STOML1: variants seen among roughly 807,000 people sequenced by gnomAD.
The protein encoded by STOML1 is stomatin like 1.
A neutral mutation model predicts 35.7 loss-of-function variants in STOML1; 27 were observed. The ratio of observed to expected loss-of-function variants is 0.76; its 90% CI spans 0.56 to 1.04. The LOEUF (loss-of-function observed/expected upper bound fraction) is 1.04, where lower values mean the gene tolerates loss of function less well. STOML1 is among the 50% of genes least tolerant of loss of function. STOML1 has a pLI of 0.00. For missense variants in STOML1, 451 were observed against 527.1 expected, an observed-to-expected ratio of 0.86 and a Z score of 1.41; for synonymous variants, 219 against 227.9, an observed-to-expected ratio of 0.96 and a Z score of 0.35.
At position 73,988,851 on chromosome 15, in the gene STOML1, A is replaced by G; in HGVS notation, c.391-49T>C. ...GAGACACTCAAGGGGCTGGGGGTGC[A>G]GGGAGGTCAGGCCCACTGGGGCCAC... On this transcript the variant is annotated intron_variant, in intron 3 of 6. Transcript: ENST00000541638. This position sits in a 1 kb window ranked among gnomAD's most constrained non-coding sequence, Gnocchi z 4.8. 6.3e-7 allele frequency: 1 copy of G among 1,583,590 alleles called. No homozygotes were observed.
In STOML1 at chr15:73,985,434, G is replaced by A. The variant is rs776465396; in HGVS notation, c.674C>T (p.Pro225Leu). ...VELAVEAVLQPPQDSPAGPNL... is the reference protein window; with the variant it reads ...VELAVEAVLQLPQDSPAGPNL... ...GGGCCCAGCTGGGCTGTCCTGGGGC[G>A]GCTGGAGCACGGCCTCCACTGCCAG... Residue 225 changes from proline (P) to leucine (L), a missense_variant, in exon 5 of 7, where the codon CCG (proline) becomes CTG (leucine). By Grantham distance (98) the Pro-to-Leu change is moderately conservative. Transcript: ENST00000541638. 20 of 1,554,874 alleles carry A rather than the reference G, an allele frequency of 1.3e-5. No homozygotes were observed. The highest frequency in any genetic ancestry group is 4.9e-5 in the East Asian group (2 of 40,746).
intron 1 of STOML1, 163 bp downstream of exon 1, chr15:73,991,928 C>T (rs1480288053): frequency 1.1e-5 from 13 of 1,149,776 alleles, no homozygotes; most frequent in Non-Finnish European, 1.6e-5. Context: ...GGCGCTAGCA[C>T]CAGGCGCCGG....
rs2068948746 is a variant in STOML1, at chr15:73,980,491, A to T, written c.*3446T>A. 1 of 152,248 alleles carries T rather than the reference A, an allele frequency of 6.6e-6. No individual in the cohort carries two copies. The highest frequency in any genetic ancestry group is 2.4e-5 in the African/African-American group (1 of 41,460). The allele number at this position is 152,248 out of a possible 1,614,324, so 9.4% of individuals were successfully genotyped here. A position where few individuals can be genotyped will look rare whatever the true frequency, so the allele number is the denominator to read the frequency against. ...AGGCTGTCTGTGGTAACATGGAAAG[A>T]TCCTCAGTGGGTAATGTTAAGTGAA... On this transcript the variant is annotated 3_prime_UTR_variant, in exon 7 of 7. Coordinates refer to ENST00000541638, the MANE Select transcript of STOML1 (RefSeq NM_004809.5).
intron 1 of STOML1, chr15:73,991,605 G>A: frequency 2.2e-6 from 1 of 457,702 alleles, no homozygotes; most frequent in Non-Finnish European, 4.4e-6. Flanking sequence ...AAGCAGGGCA[G>A]ATCCAACAGG....
Position 73,988,785 on chromosome 15 carries a change from C to G in STOML1, c.408G>C (p.Gly136=). ...CATCGGCTCCCACGGACAGCACAGC[C>G]CCGTCCTTAGAGGCCAGCTGTTGGG... ...VPPCKLASKD[G]AVLSVGADVQ... is the part of the protein sequence containing the mutation. Residue 136 remains glycine (G), a synonymous_variant, in exon 4 of 7, where the codon GGG becomes GGC. Coordinates refer to ENST00000541638, the MANE Select transcript of STOML1 (RefSeq NM_004809.5). The surrounding 1 kb of genome is among the most constrained non-coding windows in gnomAD (Gnocchi z 4.8). 6.2e-7 allele frequency: 1 copy of G among 1,612,676 alleles called. No homozygotes were observed. The highest frequency in any genetic ancestry group is 8.5e-7 in the Non-Finnish European group (1 of 1,178,756).
At chr15:73,989,354 T>A in intron 2 of STOML1, 97 bp from the exon 3 acceptor site, 1 of 1,344,510 alleles carries the variant, frequency 7.4e-7, no homozygotes, top group Non-Finnish European at 9.8e-7. Flanking sequence ...CCTCCTCACC[T>A]GGGTCACAGT....
In STOML1 at chr15:73,983,886, C is replaced by T. The variant is rs1255897983; in HGVS notation, c.*51G>A. ...ACACCTCCTCCTCCAAGAGGCCCCT[C>T]AGGCTTGGTGCCAGGCTTGGGACTG... On this transcript the variant is annotated 3_prime_UTR_variant, in exon 7 of 7. Coordinates refer to ENST00000541638, the MANE Select transcript of STOML1 (RefSeq NM_004809.5). 3.2e-6 allele frequency: 5 copies of T among 1,559,542 alleles called. No individual in the cohort carries two copies. Among genetic ancestry groups the T allele is most frequent in the Non-Finnish European group, 4.3e-6 (5 of 1,150,864 alleles).
chr15:73,989,101 C>T lies in STOML1; in HGVS notation c.390+7G>A. The T allele has an allele frequency of 1.9e-6, 3 of 1,583,066 alleles. No individual in the cohort carries two copies. Among genetic ancestry groups the T allele is most frequent in the East Asian group, 2.2e-5 (1 of 44,456 alleles). On this transcript the variant is annotated splice_region_variant and intron_variant, in intron 3 of 6. Coordinates refer to ENST00000541638, the MANE Select transcript of STOML1 (RefSeq NM_004809.5). ...TCCTCTGTCAAGGCAGCTGAGAAGC[C>T]CCTCACCTTGCAGGGAGGGACGTTG...
In STOML1 at chr15:73,992,198, G is replaced by A. The variant is rs755607515; in HGVS notation, c.26C>T (p.Ala9Val). The A allele has an allele frequency of 1.9e-6, 3 of 1,606,550 alleles. No homozygotes were observed. The highest frequency in any genetic ancestry group is 1.7e-6 in the Non-Finnish European group (2 of 1,177,422). The change falls in exon 1 of 7, where the codon GCG becomes GTG. Residue 9 changes from alanine (A) to valine (V), a missense_variant. Physicochemically the swap from Ala to Val is moderately conservative, Grantham distance 64 (BLOSUM62 0). Coordinates refer to ENST00000541638, the MANE Select transcript of STOML1 (RefSeq NM_004809.5). ...GCGGTCAAAATCACCCAGGGGCAGC[G>A]CCCGGTACCCAGACCTGCCGAGCAT... MLGRSGYRALPLGDFDRFQ... is the reference protein window; with the variant it reads MLGRSGYRVLPLGDFDRFQ...
chr15:73,989,483 A>T (rs1217525167), intron 2 of STOML1, among the ~76,000 whole-genome samples: 3 of 152,098 alleles, frequency 2.0e-5, no homozygotes, highest in Non-Finnish European at 4.4e-5. Context: ...GTTCTGAATA[A>T]CTCCAAAGGC....
intron 4 of STOML1, chr15:73,985,860 G>A: frequency 3.7e-6 from 1 of 266,838 alleles, no homozygotes. Flanking sequence ...CCATTTAGCT[G>A]GACCCTCACA....
At chr15:73,987,399 A>G (rs1279911096) in intron 4 of STOML1, 1 of 152,218 alleles carries the variant, frequency 6.6e-6, no homozygotes. Context: ...CAGTCTGGGA[A>G]ATGGGACTTA....
chr15:73,986,070 G>C (rs1297245097), intron 4 of STOML1: 1 of 155,312 alleles, frequency 6.4e-6, no homozygotes, highest in Non-Finnish European at 1.4e-5. Flanking sequence ...GGAGACCAAG[G>C]AAGACATTGT....
upstream of STOML1, among the ~76,000 whole-genome samples, chr15:73,993,420 G>A (rs1337123044): frequency 1.3e-5 from 2 of 152,152 alleles, no homozygotes; most frequent in African/African-American, 2.4e-5. Flanking sequence ...TCTGGCCTCC[G>A]AAGCCCCATC....
intron 4 of STOML1, chr15:73,986,512 C>T (rs1444176459): frequency 6.6e-6 from 1 of 152,534 alleles, no homozygotes; most frequent in Non-Finnish European, 1.5e-5. Flanking sequence ...TGGATGAGCT[C>T]TCCCAGGGAG....
chr15:73,987,473 T>C (rs766434458), intron 4 of STOML1: 3 of 152,198 alleles, frequency 2.0e-5, no homozygotes. Context: ...ATCAAAACAA[T>C]GTGCAACAAG....
rs111472256 is a variant in STOML1, at chr15:73,980,397, G to A, written c.*3540C>T. 11 of 152,260 alleles carry A rather than the reference G, an allele frequency of 7.2e-5. No homozygotes were observed. The South Asian group carries it at 1.0e-3, about 14-fold the overall frequency. The allele number at this position is 152,260 out of a possible 1,614,324, so 9.4% of individuals were successfully genotyped here. A position where few individuals can be genotyped will look rare whatever the true frequency, so the allele number is the denominator to read the frequency against. ...ATAATCAAAATGTCTATCGGTCCAC[G>A]ACAGGTTGAATAATTTATGATACAT... On this transcript the variant is annotated 3_prime_UTR_variant, in exon 7 of 7. Transcript: ENST00000541638.
At position 73,988,548 on chromosome 15, in the gene STOML1, G is replaced by A. The variant is rs1461500646; in HGVS notation, c.594+51C>T. On this transcript the variant is annotated intron_variant, in intron 4 of 6. Coordinates refer to ENST00000541638, the MANE Select transcript of STOML1 (RefSeq NM_004809.5). This position sits in a 1 kb window ranked among gnomAD's most constrained non-coding sequence, Gnocchi z 4.8. Reference sequence around the variant, plus strand: ...TTTTCTCAAAGTGACCTGGCAGGTGGAGCCAGGCCGGTGCCACCCCTCAAG... The same window carrying A: ...TTTTCTCAAAGTGACCTGGCAGGTGAAGCCAGGCCGGTGCCACCCCTCAAG... 6.2e-7 allele frequency: 1 copy of A among 1,604,798 alleles called. No homozygotes were observed. Among genetic ancestry groups the A allele is most frequent in the Admixed American group, 1.7e-5 (1 of 59,368 alleles).
chr15:73,991,921 G>A (rs762242607), intron 1 of STOML1, 170 bp downstream of exon 1: 12 of 1,089,296 alleles, frequency 1.1e-5, no homozygotes, highest in Non-Finnish European at 1.4e-5. Flanking sequence ...GCGGATCGGC[G>A]CTAGCACCAG....
Sources: allele counts gnomAD v4.1 joint callset (sites outside exome capture counted in the v4.1 genomes callset), GRCh38; gene constraint gnomAD v4.1.1; non-coding constraint Gnocchi (gnomAD v3.1); transcripts MANE v1.5; gene names NCBI Gene and HGNC (gene_info 2026-07-23, HGNC 2026-07-21).